TRPM3: variants seen among roughly 807,000 people sequenced by gnomAD.
TRPM3 encodes long transient receptor potential channel 3.
TRPM3 carries 77 observed loss-of-function variants against 181.2 expected under a neutral mutation model. That is an observed-to-expected ratio of 0.42 (90% CI 0.35 to 0.51). The LOEUF (loss-of-function observed/expected upper bound fraction) is 0.51, where lower values mean the gene tolerates loss of function less well. Ranked by LOEUF, TRPM3 falls within the 20% of genes least tolerant of loss-of-function variation. The pLI is 0.01. For synonymous variants in TRPM3, 745 were observed against 796.4 expected, an observed-to-expected ratio of 0.94 and a Z score of 1.09; for missense variants, 1,759 against 2,196.7, an observed-to-expected ratio of 0.80 and a Z score of 3.98.
At chr9:70,667,017 CT>C (rs1325940564) in intron 9 of TRPM3, among the ~76,000 whole-genome samples, 3 of 151,472 alleles carry the variant, frequency 2.0e-5, no homozygotes, top group African/African-American at 7.3e-5. Flanking sequence ...AAAACATTTT[CT>C]TTGATTTCTC....
At chr9:71,068,090 A>G (rs1308606910) in intron 1 of TRPM3, among the ~76,000 whole-genome samples, 1 of 152,070 alleles carries the variant, frequency 6.6e-6, no homozygotes, top group African/African-American at 2.4e-5. Flanking sequence ...CTGATTGTCT[A>G]TGGTGTTTAG....
At chr9:70,560,086 A>G (rs1336989133) in intron 22 of TRPM3, among the ~76,000 whole-genome samples, 1 of 152,168 alleles carries the variant, frequency 6.6e-6, no homozygotes, top group Non-Finnish European at 1.5e-5. Flanking sequence ...TTATGTGGCA[A>G]TCTCCATGCT....
chr9:70,545,503 T>C (rs1028374566), intron 25 of TRPM3, among the ~76,000 whole-genome samples: 1 of 150,002 alleles, frequency 6.7e-6, no homozygotes, highest in Admixed American at 6.7e-5. Context: ...GATCTTCACA[T>C]ATGCAAAATA....
At chr9:71,238,470 C>G (rs1223548164) in intron 1 of TRPM3, among the ~76,000 whole-genome samples, 2 of 152,124 alleles carry the variant, frequency 1.3e-5, no homozygotes, top group African/African-American at 4.8e-5. Context: ...TTTGGCCAGC[C>G]CTCTTCCTTA....
chr9:70,562,452 T>C (rs181783128), intron 22 of TRPM3, among the ~76,000 whole-genome samples: 120 of 152,298 alleles, frequency 7.9e-4, no homozygotes, highest in African/African-American at 2.7e-3. Flanking sequence ...ACCAATGATA[T>C]AGCCTCCAAC....
chr9:71,111,299 T>C (rs2071021693), intron 1 of TRPM3, among the ~76,000 whole-genome samples: 1 of 152,142 alleles, frequency 6.6e-6, no homozygotes, highest in African/African-American at 2.4e-5. Flanking sequence ...TTCCTATCAC[T>C]AGGAAGTATC....
intron 22 of TRPM3, among the ~76,000 whole-genome samples, chr9:70,580,132 T>A (rs1463608073): frequency 6.6e-6 from 1 of 152,170 alleles, no homozygotes; most frequent in African/African-American, 2.4e-5. Context: ...TTAGAAGATA[T>A]TTTGGAACAA....
chr9:70,917,237 G>A (rs1403564529), intron 1 of TRPM3: 1 of 1,570,192 alleles, frequency 6.4e-7, no homozygotes, highest in Non-Finnish European at 8.8e-7. Flanking sequence ...GGCAATAGCA[G>A]TGAGTGCATC....
At chr9:71,146,200 A>G (rs1245183593) in intron 1 of TRPM3, among the ~76,000 whole-genome samples, 2 of 152,188 alleles carry the variant, frequency 1.3e-5, no homozygotes, top group Non-Finnish European at 2.9e-5. Flanking sequence ...ATGTGGGTAC[A>G]CAATGACACA....
At chr9:70,617,516 G>A (rs1367663168) in intron 17 of TRPM3, among the ~76,000 whole-genome samples, 2 of 152,154 alleles carry the variant, frequency 1.3e-5, no homozygotes, top group Non-Finnish European at 2.9e-5. Context: ...TGTACAATAC[G>A]AGGACTCTAG....
chr9:70,748,636 G>C (rs1385119513), intron 8 of TRPM3, among the ~76,000 whole-genome samples: 2 of 152,080 alleles, frequency 1.3e-5, no homozygotes, highest in Non-Finnish European at 2.9e-5. Flanking sequence ...GAGGAAGCTT[G>C]CTTGCCCCCT....
chr9:70,597,759 A>G (rs1710429571), intron 21 of TRPM3, among the ~76,000 whole-genome samples: 1 of 152,234 alleles, frequency 6.6e-6, no homozygotes, highest in African/African-American at 2.4e-5. Flanking sequence ...CTAGTTCTTA[A>G]CAGACATCAT....
At chr9:70,821,843 G>T (rs375426035) in intron 6 of TRPM3, among the ~76,000 whole-genome samples, 5 of 152,124 alleles carry the variant, frequency 3.3e-5, no homozygotes, top group African/African-American at 4.8e-5. Flanking sequence ...TAAAATCCCA[G>T]ATTGATGCCT....
At chr9:70,738,057 A>C (rs1457343353) in intron 8 of TRPM3, among the ~76,000 whole-genome samples, 2 of 152,162 alleles carry the variant, frequency 1.3e-5, no homozygotes, top group African/African-American at 4.8e-5. Context: ...CTACCCAACA[A>C]AGGCAGACTA....
chr9:70,822,467 C>T (rs1564452594), intron 6 of TRPM3, among the ~76,000 whole-genome samples: 2 of 151,912 alleles, frequency 1.3e-5, no homozygotes, highest in South Asian at 2.1e-4. Context: ...TTTTATAATG[C>T]CATTTATATG....
At chr9:71,018,170 C>G (rs565601663) in intron 1 of TRPM3, among the ~76,000 whole-genome samples, 1 of 151,572 alleles carries the variant, frequency 6.6e-6, no homozygotes, top group South Asian at 2.1e-4. Flanking sequence ...AAGAATATCT[C>G]TAAAGCTGTA....
chr9:71,185,499 C>A (rs2077622824), intron 1 of TRPM3, among the ~76,000 whole-genome samples: 1 of 152,052 alleles, frequency 6.6e-6, no homozygotes, highest in Admixed American at 6.6e-5. Flanking sequence ...GCTGTTTAGG[C>A]CAGGTAAGAA....
intron 1 of TRPM3, among the ~76,000 whole-genome samples, chr9:71,255,969 A>G (rs1227169775): frequency 6.6e-6 from 1 of 152,164 alleles, no homozygotes; most frequent in Non-Finnish European, 1.5e-5. Flanking sequence ...AATCAAAAGA[A>G]AAAAAATCGA....
intron 1 of TRPM3, among the ~76,000 whole-genome samples, chr9:71,069,838 C>T (rs952536051): frequency 3.3e-5 from 5 of 150,106 alleles, no homozygotes; most frequent in Admixed American, 3.3e-4. Flanking sequence ...GAACTCCTGA[C>T]CTCAGGTGCT....
Sources: gnomAD v4.1 joint callset for allele counts (sites outside exome capture counted in the v4.1 genomes callset) on GRCh38, gnomAD v4.1.1 for gene constraint, MANE v1.5 for transcripts, NCBI Gene and HGNC (gene_info 2026-07-23, HGNC 2026-07-21) for gene names.